UBR4: variants seen among roughly 807,000 people sequenced by gnomAD.
The protein encoded by UBR4 is ubiquitin protein ligase E3 component n-recognin 4, also known as E3 ubiquitin-protein ligase UBR4.
A neutral mutation model predicts 575.6 loss-of-function variants in UBR4; 124 were observed. The observed-to-expected ratio is 0.22, with a 90% CI of 0.19 to 0.25. UBR4 has a LOEUF of 0.25. UBR4 is among the 10% of genes least tolerant of loss of function. The pLI, the probability that UBR4 is intolerant of heterozygous loss-of-function variation, is 1.00. For missense variants in UBR4, 4,818 were observed against 6,478.8 expected (o/e 0.74, Z 8.80); for synonymous variants, 2,455 against 2,473.7 (o/e 0.99, Z 0.22).
intron 60 of UBR4, among the ~76,000 whole-genome samples, chr1:19,131,243 TAAAAAAAAAAAAAAAA>T (rs869155620): frequency 9.7e-6 from 1 of 102,948 alleles, no homozygotes; most frequent in Non-Finnish European, 1.9e-5. Context: ...TCTTGAAACT[TAAAAAAAAAAAAAAAA>T]AAAAAAAAAA....
At chr1:19,076,943 C>T (rs2076002495) in intron 104 of UBR4, 41 bp from the exon 105 acceptor site, 2 of 1,518,772 alleles carry the variant, frequency 1.3e-6, no homozygotes, top group African/African-American at 1.4e-5. Flanking sequence ...GGGTGACTTA[C>T]TGCTGCCTCA....
chr1:19,166,712 A>C (rs1355826115), intron 29 of UBR4, among the ~76,000 whole-genome samples: 6 of 107,408 alleles, frequency 5.6e-5, no homozygotes, highest in Non-Finnish European at 1.1e-4. Context: ...CTCCATCTCT[A>C]CCAAAAAAAA....
chr1:19,176,847 T>C lies in UBR4; in HGVS notation c.2638-120A>G, dbSNP rs12090190. 2.0e-3 allele frequency: 2,326 copies of C among 1,142,328 alleles called. 36 individuals carry two copies. The African/African-American group carries it at 0.032, about 16-fold the overall frequency. 70.8% of individuals were successfully genotyped at this position (1,142,328 alleles called of 1,614,324 possible). ...GTAATCTGAATGTGGGTGTTCTACA[T>C]TCAAATATTCTGTTTTATTGGGCAC... On this transcript the variant is annotated intron_variant, in intron 19 of 105. Coordinates refer to ENST00000375254, the MANE Select transcript of UBR4 (RefSeq NM_020765.3).
chr1:19,105,719 C>G lies in UBR4; in HGVS notation c.12503+14G>C, dbSNP rs375324003. On this transcript the variant is annotated intron_variant, in intron 84 of 105. Transcript: ENST00000375254. ...AAGTCTAACCACGCTCCTCATCCCA[C>G]TCCCAAATGGTACCTGGTAAGCAGG... 71 of 1,565,968 alleles carry G rather than the reference C, an allele frequency of 4.5e-5. No homozygotes were observed. In the African/African-American group the frequency reaches 9.6e-4, roughly 21 times the overall value.
At chr1:19,079,084 T>A (rs2076234076) in intron 103 of UBR4, 1 of 152,168 alleles carries the variant, frequency 6.6e-6, no homozygotes. Context: ...TAAAGGGACA[T>A]ATATTAAAAT....
chr1:19,196,665 C>T (rs781702760), intron 8 of UBR4, among the ~76,000 whole-genome samples: 2 of 152,202 alleles, frequency 1.3e-5, no homozygotes, highest in Non-Finnish European at 2.9e-5. Context: ...ACAGATACCA[C>T]CTGTTCCACG....
intron 1 of UBR4, among the ~76,000 whole-genome samples, chr1:19,202,792 G>A (rs1045703069): frequency 2.6e-5 from 4 of 152,122 alleles, no homozygotes; most frequent in Admixed American, 6.5e-5. Flanking sequence ...AACATGGGCC[G>A]GGCACGGTGG....
rs1008876125 is a variant in UBR4 at position 19,167,125 on chromosome 1, G to A, written c.4006C>T (p.Arg1336Cys). 25 of 1,614,068 alleles carry A rather than the reference G, an allele frequency of 1.5e-5. No homozygotes were observed. The highest frequency in any genetic ancestry group is 2.7e-5 in the African/African-American group (2 of 74,906). ...TCAGACTCAGCAGGGCCCAAGATGC[G>A]TTCCAGGGAGTTGCTACTGATCTCG... ...VAEISSNSLE[R>C]ILGPAESDEF... Residue 1336 changes from arginine to cysteine, a missense_variant, in exon 29 of 106, where the codon CGC becomes TGC. Coordinates refer to ENST00000375254, the MANE Select transcript of UBR4 (RefSeq NM_020765.3).
In UBR4 at chr1:19,120,224, G is replaced by A. The variant is rs1217313559; in HGVS notation, c.10266C>T (p.Ser3422=). 6.2e-7 allele frequency: 1 copy of A among 1,614,194 alleles called. No individual in the cohort carries two copies. Among genetic ancestry groups the A allele is most frequent in the East Asian group, 2.2e-5 (1 of 44,890 alleles). Residue 3422 remains serine, a synonymous_variant, in exon 69 of 106, where the codon TCC becomes TCT. Coordinates refer to ENST00000375254, the MANE Select transcript of UBR4 (RefSeq NM_020765.3). The part of the protein sequence containing the change: ...LRCFLLESNS[S]SVRWQAHCLT... ...GACAGTGGGCCTGCCAGCGCACCGA[G>A]GAAGAATTGGACTCTAACAGGAAAC...
rs541728890 is a variant in UBR4 at position 19,210,005 on chromosome 1, C to A, written c.176+68G>T. 4.1e-4 allele frequency: 602 copies of A among 1,463,438 alleles called. 10 individuals carry two copies. In the South Asian group the frequency reaches 6.3e-3, roughly 15 times the overall value. The allele number at this position is 1,463,438 out of a possible 1,614,324, so 90.7% of individuals were successfully genotyped here. A position where few individuals can be genotyped will look rare whatever the true frequency, so the allele number is the denominator to read the frequency against. ...GCAGGGGGCGGCCCGGAAAGCGGGTCCAGACGATCCGGCTCGAAATCCCCT... is the reference window on the plus strand; with the variant it reads ...GCAGGGGGCGGCCCGGAAAGCGGGTACAGACGATCCGGCTCGAAATCCCCT... On this transcript the variant is annotated intron_variant, in intron 1 of 105. Coordinates refer to ENST00000375254, the MANE Select transcript of UBR4 (RefSeq NM_020765.3).
At position 19,113,935 on chromosome 1, in the gene UBR4, G is replaced by T; in HGVS notation, c.11328+10C>A. 6.2e-7 allele frequency: 1 copy of T among 1,614,202 alleles called. No homozygotes were observed. The highest frequency in any genetic ancestry group is 8.5e-7 in the Non-Finnish European group (1 of 1,180,034). On this transcript the variant is annotated intron_variant, in intron 76 of 105. Coordinates refer to ENST00000375254, the MANE Select transcript of UBR4 (RefSeq NM_020765.3). ...CCCTTATCCAAATGCCCTTTGCAGC[G>T]TGGGACTACCTGTGGCTTTTCTGGA...
chr1:19,156,290 A>C lies in UBR4; in HGVS notation c.6053T>G (p.Val2018Gly), dbSNP rs1360635046. ...CTGTACCTTAACAAAGTCTGCGGTG[A>C]CAATTGCTAACTCGGTCTGTGAACC... ...LPGSQTELAI[V>G]TADFVKIYDL... Residue 2018 changes from valine (V) to glycine (G), a missense_variant, in exon 42 of 106, where the codon GTC (valine) becomes GGC (glycine). This residue lies in a region of UBR4 where 461 missense variants were observed against 606.9 expected (regional missense o/e 0.76). Transcript: ENST00000375254. 6.2e-7 allele frequency: 1 copy of C among 1,614,082 alleles called. No individual in the cohort carries two copies. The highest frequency in any genetic ancestry group is 1.3e-5 in the African/African-American group (1 of 74,948).
intron 97 of UBR4, among the ~76,000 whole-genome samples, chr1:19,090,588 G>A (rs757411983): frequency 3.9e-5 from 6 of 151,996 alleles, no homozygotes; most frequent in Non-Finnish European, 7.3e-5. Context: ...CATCTATCTC[G>A]CTGTTTAGTT....
In UBR4 at chr1:19,117,918, A is replaced by G. The variant is rs750296061; in HGVS notation, c.10542-8T>C. ...ACTAAGCCAGACAAAGTGCTAAGGA[A>G]GAAACCAGTCTTAGCATGAACACAT... On this transcript the variant is annotated splice_region_variant and splice_polypyrimidine_tract_variant and intron_variant, in intron 71 of 105. Transcript: ENST00000375254. The surrounding 1 kb of genome is among the most constrained non-coding windows in gnomAD (Gnocchi z 4.0). 1.2e-6 allele frequency: 2 copies of G among 1,612,798 alleles called. No homozygotes were observed. Among genetic ancestry groups the G allele is most frequent in the African/African-American group, 2.7e-5 (2 of 74,932 alleles).
chr1:19,186,038 T>C (rs1272497993), intron 14 of UBR4, among the ~76,000 whole-genome samples: 1 of 152,228 alleles, frequency 6.6e-6, no homozygotes, highest in Middle Eastern at 3.2e-3. Context: ...CCCACAAACC[T>C]GATTATGAAA....
At chr1:19,208,173 G>T (rs766342446) in intron 1 of UBR4, among the ~76,000 whole-genome samples, 2 of 152,182 alleles carry the variant, frequency 1.3e-5, no homozygotes, top group Non-Finnish European at 2.9e-5. Flanking sequence ...AGACTTAAAA[G>T]ATCTTGCCTT....
chr1:19,084,423 A>G (rs1296144845), intron 102 of UBR4, 81 bp downstream of exon 102: 4 of 1,428,712 alleles, frequency 2.8e-6, no homozygotes, highest in East Asian at 2.4e-5. Flanking sequence ...ATGAGAGGCT[A>G]TGAAAAAGCT....
At chr1:19,149,842 C>T (rs1315746406) in intron 49 of UBR4, 2 of 1,280,288 alleles carry the variant, frequency 1.6e-6, no homozygotes, top group Non-Finnish European at 2.0e-6. Context: ...AAATGTGAAG[C>T]TCAGAGAAAC....
intron 63 of UBR4, among the ~76,000 whole-genome samples, chr1:19,127,050 C>T (rs974745042): frequency 1.3e-5 from 2 of 152,090 alleles, no homozygotes; most frequent in African/African-American, 2.4e-5. Context: ...TCTGAACGAC[C>T]CCACCCCACC....
Sources: gnomAD v4.1 joint callset for allele counts (sites outside exome capture counted in the v4.1 genomes callset) on GRCh38, gnomAD v4.1.1 for gene constraint, gnomAD v4.1.1 regional missense constraint, Gnocchi (gnomAD v3.1) non-coding constraint, MANE v1.5 for transcripts, NCBI Gene and HGNC (gene_info 2026-07-23, HGNC 2026-07-21) for gene names.